Variants in L3MBTL4 observed in about 807,000 individuals in gnomAD.
L3MBTL4 encodes the protein L3MBTL histone methyl-lysine binding protein 4.
Under a neutral mutation model 84.5 loss-of-function variants are expected in L3MBTL4, and 70 were observed. The ratio of observed to expected loss-of-function variants is 0.83; its 90% CI spans 0.68 to 1.01. The LOEUF (loss-of-function observed/expected upper bound fraction) is 1.01. Among genes scored for constraint, L3MBTL4 ranks in the 50% least tolerant of loss-of-function variants. L3MBTL4 has a pLI of 0.00. For synonymous variants in L3MBTL4, 274 were observed against 259.8 expected, an observed-to-expected ratio of 1.05 and a Z score of -0.52; for missense variants, 715 against 754.8, an observed-to-expected ratio of 0.95 and a Z score of 0.62.
At chr18:5,970,108 G>A (rs1395666767) in intron 16 of L3MBTL4, among the ~76,000 whole-genome samples, 2 of 152,238 alleles carry the variant, frequency 1.3e-5, no homozygotes, top group Admixed American at 1.3e-4. Flanking sequence ...GAAGCTGGGT[G>A]ATATCAGCTG....
chr18:6,227,686 T>G (rs1307286803), intron 10 of L3MBTL4, among the ~76,000 whole-genome samples: 2 of 152,062 alleles, frequency 1.3e-5, no homozygotes, highest in Non-Finnish European at 2.9e-5. Flanking sequence ...TCCAGACAAA[T>G]ATCCTTCACA....
chr18:6,229,580 C>G (rs767924245), intron 10 of L3MBTL4, among the ~76,000 whole-genome samples: 1 of 152,016 alleles, frequency 6.6e-6, no homozygotes, highest in African/African-American at 2.4e-5. Context: ...TTTTTCTCTA[C>G]GTTTTCTTTT....
intron 13 of L3MBTL4, among the ~76,000 whole-genome samples, chr18:6,157,916 A>G (rs1293575981): frequency 3.3e-5 from 5 of 152,224 alleles, no homozygotes; most frequent in African/African-American, 1.2e-4. Flanking sequence ...TCTGCCTATC[A>G]ACTTCCTATT....
intron 16 of L3MBTL4, among the ~76,000 whole-genome samples, chr18:5,985,576 G>T (rs2145070003): frequency 6.6e-6 from 1 of 152,326 alleles, no homozygotes; most frequent in Non-Finnish European, 1.5e-5. Context: ...AGGCTGCCTG[G>T]CTCCCAGGTC....
At chr18:6,132,352 T>C (rs1252687883) in intron 14 of L3MBTL4, among the ~76,000 whole-genome samples, 2 of 152,166 alleles carry the variant, frequency 1.3e-5, no homozygotes, top group African/African-American at 4.8e-5. Flanking sequence ...TTCATTTTCA[T>C]TTCTGAGACC....
intron 5 of L3MBTL4, among the ~76,000 whole-genome samples, chr18:6,257,287 T>C (rs2048184992): frequency 4.6e-5 from 7 of 151,714 alleles, no homozygotes. Flanking sequence ...AGAGAGGAAC[T>C]AAAACAAGAA....
At chr18:6,377,835 C>A (rs1233252737) in intron 1 of L3MBTL4, among the ~76,000 whole-genome samples, 1 of 152,110 alleles carries the variant, frequency 6.6e-6, no homozygotes, top group East Asian at 1.9e-4. Flanking sequence ...TGAGTATATA[C>A]CCAGTAATGG....
chr18:6,106,666 G>A (rs1413185129), intron 14 of L3MBTL4, among the ~76,000 whole-genome samples: 10 of 152,152 alleles, frequency 6.6e-5, no homozygotes, highest in Non-Finnish European at 1.5e-4. Flanking sequence ...CTCTATCCTA[G>A]CAAGTTTTAA....
rs193159062 is a variant in L3MBTL4 at position 6,104,597 on chromosome 18, T to C, written c.1200-11069A>G. Among the ~76,000 whole-genome samples, 268 of 152,332 alleles carry C rather than the reference T, an allele frequency of 1.8e-3. 2 individuals are homozygous for C. The highest frequency in any genetic ancestry group is 3.2e-3 in the Non-Finnish European group (217 of 68,026). On this transcript the variant is annotated intron_variant, in intron 14 of 18. Transcript: ENST00000317931. ...AGGGAGGGAAAATGGGGAGTTGCTGTTCAACAGGTATAAAGTTTTAGTTAC... is the reference window on the plus strand; with the variant it reads ...AGGGAGGGAAAATGGGGAGTTGCTGCTCAACAGGTATAAAGTTTTAGTTAC...
chr18:6,221,414 T>G (rs993947853), intron 10 of L3MBTL4, among the ~76,000 whole-genome samples: 1 of 152,192 alleles, frequency 6.6e-6, no homozygotes, highest in African/African-American at 2.4e-5. Flanking sequence ...CTATTGGATC[T>G]GCCAAGGGTC....
intron 1 of L3MBTL4, among the ~76,000 whole-genome samples, chr18:6,375,046 G>A (rs2054310711): frequency 6.6e-6 from 1 of 151,968 alleles, no homozygotes; most frequent in African/African-American, 2.4e-5. Context: ...TGGGAAACTC[G>A]GGCTGCTCTT....
Position 6,243,301 on chromosome 18 carries a change from G to T in L3MBTL4, c.453C>A (p.Ile151=). The part of the protein sequence containing the change: ...WCEKTKHELH[I]PKGYRKDKFV... Reference sequence around the variant, plus strand: ...AAATGTATCCTGGCTTACCCTTAGGGATGTGCAGTTCATGTTTGGTCTTTT... The same window carrying T: ...AAATGTATCCTGGCTTACCCTTAGGTATGTGCAGTTCATGTTTGGTCTTTT... Residue 151 remains isoleucine, a synonymous_variant, in exon 7 of 19, where the codon ATC becomes ATA. Coordinates refer to ENST00000317931, the MANE Select transcript of L3MBTL4 (RefSeq NM_001330559.2). 2 of 1,584,662 alleles carry T rather than the reference G, an allele frequency of 1.3e-6. No individual in the cohort carries two copies. Among genetic ancestry groups the T allele is most frequent in the Non-Finnish European group, 8.6e-7 (1 of 1,166,898 alleles).
chr18:5,985,484 A>C (rs2053426142), intron 16 of L3MBTL4, among the ~76,000 whole-genome samples: 1 of 152,184 alleles, frequency 6.6e-6, no homozygotes, highest in Non-Finnish European at 1.5e-5. Flanking sequence ...AAGGATTTTA[A>C]GTAAGGAAAA....
At chr18:6,197,692 CT>C (rs1568300195) in intron 12 of L3MBTL4, among the ~76,000 whole-genome samples, 2 of 152,196 alleles carry the variant, frequency 1.3e-5, no homozygotes, top group African/African-American at 2.4e-5. Flanking sequence ...TTTGCCAACA[CT>C]GGCCTTCCTG....
At chr18:6,286,094 T>C (rs970874475) in intron 4 of L3MBTL4, among the ~76,000 whole-genome samples, 1 of 151,626 alleles carries the variant, frequency 6.6e-6, no homozygotes, top group Non-Finnish European at 1.5e-5. Flanking sequence ...CCTCCCAAAG[T>C]GCTGGGATTA....
intron 16 of L3MBTL4, among the ~76,000 whole-genome samples, chr18:5,998,795 C>T (rs1265290409): frequency 2.6e-5 from 4 of 152,160 alleles, no homozygotes; most frequent in Non-Finnish European, 5.9e-5. Context: ...TTGTCTGTTC[C>T]TGTCCCCTCC....
At chr18:6,326,935 C>A (rs966001676) in intron 1 of L3MBTL4, among the ~76,000 whole-genome samples, 20 of 152,138 alleles carry the variant, frequency 1.3e-4, no homozygotes, top group Non-Finnish European at 2.9e-5. Context: ...GTAATAACTA[C>A]ATACATGATC....
rs1397490274 is a variant in L3MBTL4 at position 6,295,338 on chromosome 18, C to CTA, written c.127+6564_127+6565insTA. On this transcript the variant is annotated intron_variant, in intron 4 of 18. Coordinates refer to ENST00000317931, the MANE Select transcript of L3MBTL4 (RefSeq NM_001330559.2). ...TCTCTCTCTCTCTCTCTCTCTCTCT[C>CTA]TCTCTCTCTATATATATATATATAT... Among the ~76,000 whole-genome samples, 21 of 126,520 alleles carry CTA rather than the reference C, an allele frequency of 1.7e-4. No homozygotes were observed. The East Asian group carries it at 2.2e-3, about 13-fold the overall frequency. The allele number at this position is 126,520 out of a possible 152,430, so 83.0% of individuals were successfully genotyped here.
At chr18:6,402,949 AAC>A (rs1599925896) in intron 1 of L3MBTL4, among the ~76,000 whole-genome samples, 1 of 152,204 alleles carries the variant, frequency 6.6e-6, no homozygotes, top group East Asian at 1.9e-4. Context: ...TTATTTATCA[AAC>A]CAGTAGTGCT....
Sources: allele counts gnomAD v4.1 joint callset (sites outside exome capture counted in the v4.1 genomes callset), GRCh38; gene constraint gnomAD v4.1.1; transcripts MANE v1.5; gene names NCBI Gene and HGNC (gene_info 2026-07-23, HGNC 2026-07-21).